The following MLIP variants were observed in gnomAD, a reference collection of about 807,000 sequenced individuals.
MLIP encodes the protein muscular LMNA interacting protein, also known as muscular LMNA-interacting protein.
Under a neutral mutation model 84.8 loss-of-function variants are expected in MLIP, and 79 were observed. That is an observed-to-expected ratio of 0.93 (90% CI 0.78 to 1.12). The LOEUF (loss-of-function observed/expected upper bound fraction) is 1.12. Ranked by LOEUF, MLIP falls within the 50% of genes most tolerant of loss-of-function variation. MLIP has a pLI of 0.00. For synonymous variants in MLIP, 504 were observed against 463.0 expected (o/e 1.09, Z -1.14); for missense variants, 1,257 against 1,160.6 (o/e 1.08, Z -1.21).
upstream of MLIP, among the ~76,000 whole-genome samples, chr6:54,107,615 C>T (rs958800417): frequency 3.3e-5 from 5 of 152,150 alleles, no homozygotes; most frequent in Non-Finnish European, 7.3e-5. Context: ...GAAATCTCCC[C>T]GAAAACAACC....
chr6:54,128,853 G>T (rs1302746551), intron 3 of MLIP, among the ~76,000 whole-genome samples: 2 of 152,080 alleles, frequency 1.3e-5, no homozygotes, highest in Admixed American at 1.3e-4. Flanking sequence ...AAAGTGCCTA[G>T]AATAGTGCCT....
chr6:54,074,400 C>G (rs1163661789), intron 1 of MLIP, among the ~76,000 whole-genome samples: 1 of 150,274 alleles, frequency 6.7e-6, no homozygotes, highest in Non-Finnish European at 1.5e-5. Flanking sequence ...ATAAAATTAA[C>G]GCGATGATTT....
intron 13 of MLIP, among the ~76,000 whole-genome samples, chr6:54,257,774 G>A (rs1357649840): frequency 6.6e-6 from 1 of 152,032 alleles, no homozygotes; most frequent in Non-Finnish European, 1.5e-5. Flanking sequence ...ATAGGAAGAT[G>A]AGTGCTAGGC....
chr6:54,092,211 C>T (rs1582119569), intron 1 of MLIP, among the ~76,000 whole-genome samples: 1 of 152,268 alleles, frequency 6.6e-6, no homozygotes, highest in South Asian at 2.1e-4. Context: ...GTAGTGTTTC[C>T]TCTAGGGCTT....
chr6:54,236,459 A>C (rs550285342), intron 12 of MLIP, among the ~76,000 whole-genome samples: 3 of 152,272 alleles, frequency 2.0e-5, no homozygotes, highest in Admixed American at 2.0e-4. Context: ...AAGATTAGCC[A>C]GGTGTGGTGT....
At chr6:54,077,980 A>G (rs1766905134) in intron 1 of MLIP, among the ~76,000 whole-genome samples, 1 of 152,174 alleles carries the variant, frequency 6.6e-6, no homozygotes, top group African/African-American at 2.4e-5. Flanking sequence ...GCTATGGTTC[A>G]GGTTGTTCTC....
chr6:54,061,276 T>A (rs1446232127), intron 1 of MLIP, among the ~76,000 whole-genome samples: 1 of 152,080 alleles, frequency 6.6e-6, no homozygotes, highest in Non-Finnish European at 1.5e-5. Context: ...GTTAACTGAG[T>A]GACTTTTCTT....
chr6:54,206,794 G>A (rs1223865309), intron 11 of MLIP, among the ~76,000 whole-genome samples: 2 of 152,086 alleles, frequency 1.3e-5, no homozygotes, highest in Non-Finnish European at 2.9e-5. Context: ...TCACCCACAT[G>A]TTAATATTAC....
chr6:54,247,341 A>G (rs550052035), intron 12 of MLIP, among the ~76,000 whole-genome samples: 143 of 152,298 alleles, frequency 9.4e-4, no homozygotes, highest in African/African-American at 3.3e-3. Context: ...ATAAAAAACC[A>G]TCATAGCTGT....
intron 1 of MLIP, among the ~76,000 whole-genome samples, chr6:54,033,219 A>G (rs765023896): frequency 6.6e-6 from 1 of 152,136 alleles, no homozygotes; most frequent in Non-Finnish European, 1.5e-5. Flanking sequence ...CATCACCACG[A>G]ATCTTGGAGG....
At chr6:54,063,772 C>G (rs1019044197) in intron 1 of MLIP, among the ~76,000 whole-genome samples, 1 of 149,156 alleles carries the variant, frequency 6.7e-6, no homozygotes, top group African/African-American at 2.5e-5. Context: ...TTTCTTAGTA[C>G]GTATAGTAAT....
At chr6:54,138,338 CTTT>C in intron 4 of MLIP, 52 bp downstream of exon 4, 1 of 1,372,632 alleles carries the variant, frequency 7.3e-7, no homozygotes, top group Non-Finnish European at 9.6e-7. Context: ...AGGGAAGAAT[CTTT>C]TTTTTTTCCC....
intron 9 of MLIP, among the ~76,000 whole-genome samples, chr6:54,169,783 G>A (rs146774569): frequency 6.6e-6 from 1 of 151,724 alleles, no homozygotes; most frequent in African/African-American, 2.4e-5. Context: ...CTTAAGTGAG[G>A]TCTAGTTGGA....
intron 8 of MLIP, among the ~76,000 whole-genome samples, chr6:54,165,697 T>C (rs1775108725): frequency 6.6e-6 from 1 of 151,966 alleles, no homozygotes; most frequent in South Asian, 2.1e-4. Flanking sequence ...CAAATTTGCA[T>C]ACTGTGGCAT....
intron 4 of MLIP, among the ~76,000 whole-genome samples, chr6:54,142,906 A>C (rs74855789): frequency 0.024 from 3,570 of 151,598 alleles, 81 homozygotes; most frequent in African/African-American, 0.058. Context: ...GAAATGAAAA[A>C]AACAACAACA....
chr6:54,182,001 C>T (rs1160532002), intron 9 of MLIP, among the ~76,000 whole-genome samples: 1 of 152,206 alleles, frequency 6.6e-6, no homozygotes, highest in Non-Finnish European at 1.5e-5. Flanking sequence ...CAAGTACTCC[C>T]TTTGCCATGC....
In MLIP at chr6:54,137,883, C is replaced by G. The variant is rs1040816832; in HGVS notation, c.1814C>G (p.Ser605Cys). ...CCTATTAATCAAAGAGCTACGTTCT[C>G]TTCTTCAGAGAAATGTTTCCATCCT... ...SPPINQRATFSSSEKCFHPSP... is the reference protein window; with the variant it reads ...SPPINQRATFCSSEKCFHPSP... Residue 605 changes from serine (S) to cysteine (C), a missense_variant, in exon 4 of 14, where the codon TCT becomes TGT. Coordinates refer to ENST00000502396, the MANE Select transcript of MLIP (RefSeq NM_001281747.2). 1.3e-6 allele frequency: 2 copies of G among 1,536,012 alleles called. No homozygotes were observed. The highest frequency in any genetic ancestry group is 2.7e-5 in the African/African-American group (2 of 73,036).
intron 1 of MLIP, among the ~76,000 whole-genome samples, chr6:54,081,665 G>C (rs1240755449): frequency 6.6e-6 from 1 of 151,986 alleles, no homozygotes; most frequent in South Asian, 2.1e-4. Flanking sequence ...CACCCGCCCC[G>C]GCCTCCCAAA....
At chr6:54,223,207 T>C (rs1780335989) in intron 11 of MLIP, among the ~76,000 whole-genome samples, 1 of 152,026 alleles carries the variant, frequency 6.6e-6, no homozygotes, top group South Asian at 2.1e-4. Flanking sequence ...CACTGTTGAA[T>C]GTTCCCTTTG....
Sources: gnomAD v4.1 joint callset for allele counts (sites outside exome capture counted in the v4.1 genomes callset) on GRCh38, gnomAD v4.1.1 for gene constraint, MANE v1.5 for transcripts, NCBI Gene and HGNC (gene_info 2026-07-23, HGNC 2026-07-21) for gene names.